OLAH: variants seen among roughly 807,000 people sequenced by gnomAD.
OLAH encodes the protein S-acyl fatty acid synthase thioesterase, medium chain.
In OLAH, 33 loss-of-function variants were observed where a neutral mutation model predicts 27.8. The ratio of observed to expected loss-of-function variants is 1.19; its 90% CI spans 0.90 to 1.59. The LOEUF is 1.59. OLAH is among the 40% of genes most tolerant of loss of function. The probability of loss-of-function intolerance (pLI) is 0.00; values close to 1 mark genes in which losing one functional copy is unlikely to be tolerated. For missense variants in OLAH, 359 were observed against 310.8 expected (o/e 1.16, Z -1.17); for synonymous variants, 120 against 102.9 (o/e 1.17, Z -1.01).
chr10:15,051,470 G>A (rs1844141522), intron 3 of OLAH, among the ~76,000 whole-genome samples: 2 of 152,226 alleles, frequency 1.3e-5, no homozygotes, highest in Non-Finnish European at 2.9e-5. Context: ...TTGCAGGTGA[G>A]TGTTCAGCTT....
At chr10:15,033,669 G>C (rs967031716) in intron 1 of OLAH, among the ~76,000 whole-genome samples, 2 of 152,126 alleles carry the variant, frequency 1.3e-5, no homozygotes, top group African/African-American at 4.8e-5. Context: ...CCTGCAGTTT[G>C]GGCATTCTCA....
rs1406074755 is a variant in OLAH at position 15,073,327 on chromosome 10, T to C, written c.*98T>C. The C allele has an allele frequency of 5.1e-6, 4 of 783,228 alleles. No individual in the cohort carries two copies. The African/African-American group carries it at 5.3e-5, about 10-fold the overall frequency. 48.5% of individuals were successfully genotyped at this position (783,228 alleles called of 1,614,324 possible). On this transcript the variant is annotated 3_prime_UTR_variant, in exon 8 of 8. Transcript: ENST00000378228. ...TTTTATTCAGATTGGAAATTACACA[T>C]TTTCTACTGTCAGGGAGATTCGTTA...
At chr10:15,046,407 C>A (rs1844018624) in intron 1 of OLAH, among the ~76,000 whole-genome samples, 1 of 152,014 alleles carries the variant, frequency 6.6e-6, no homozygotes, top group Non-Finnish European at 1.5e-5. Context: ...TTGAAGATTG[C>A]AAAATGGGAA....
In OLAH at chr10:15,065,556, A is replaced by G. The variant is rs765799591; in HGVS notation, c.403-28A>G. The stretch of plus-strand genomic sequence containing the variant: ...AGCCAAGTGTGTTATATGAAATATC[A>G]GGCCTGTGTTGTTGTTCATGTTTCA... On this transcript the variant is annotated intron_variant, in intron 5 of 7. Transcript: ENST00000378228. 38 of 1,578,926 alleles carry G rather than the reference A, an allele frequency of 2.4e-5. No homozygotes were observed. In the South Asian group the frequency reaches 4.3e-4, roughly 18 times the overall value.
intron 1 of OLAH, among the ~76,000 whole-genome samples, chr10:15,038,112 T>C (rs1375244883): frequency 6.6e-6 from 1 of 152,256 alleles, no homozygotes; most frequent in Non-Finnish European, 1.5e-5. Flanking sequence ...GACCGCCCTG[T>C]TGGATTTTGG....
At chr10:15,059,742 G>A (rs953713714) in intron 3 of OLAH, among the ~76,000 whole-genome samples, 4 of 152,188 alleles carry the variant, frequency 2.6e-5, no homozygotes, top group African/African-American at 9.6e-5. Flanking sequence ...GAAGGCAGAG[G>A]TTGTAGTGAG....
At chr10:15,056,766 G>GACTAC in intron 3 of OLAH, 1 of 1,322,456 alleles carries the variant, frequency 7.6e-7, no homozygotes, top group Non-Finnish European at 9.7e-7. Context: ...GAGTAGCTGG[G>GACTAC]ACTACAGGCA....
In OLAH at chr10:15,071,795, C is replaced by T. The variant is rs146312645; in HGVS notation, c.573C>T (p.Thr191=). 1.2e-6 allele frequency: 2 copies of T among 1,609,814 alleles called. No individual in the cohort carries two copies. ...RADLNIVRSC[T]SNVPSKAVLS... ...CTAACCAGCTCTTTTATGTTTATAG[C>T]TCTAACGTACCATCTAAGGCTGTTC... is the stretch of plus-strand genomic sequence containing the variant. The change falls in exon 7 of 8, where the codon ACC becomes ACT. Residue 191 remains threonine, a splice_region_variant and synonymous_variant. Coordinates refer to ENST00000378228, the MANE Select transcript of OLAH (RefSeq NM_001039702.3).
upstream of OLAH, among the ~76,000 whole-genome samples, chr10:15,042,070 C>T (rs1257772097): frequency 3.3e-5 from 5 of 151,978 alleles, no homozygotes; most frequent in Admixed American, 1.3e-4. Context: ...TTCAGTGCAT[C>T]GGTAATTGAG....
chr10:15,038,166 C>T (rs2131327961), intron 1 of OLAH, among the ~76,000 whole-genome samples: 1 of 152,322 alleles, frequency 6.6e-6, no homozygotes, highest in African/African-American at 2.4e-5. Flanking sequence ...CCAATTTCTC[C>T]CATTTGGAAC....
intron 4 of OLAH, among the ~76,000 whole-genome samples, chr10:15,063,812 C>CA (rs1350323668): frequency 6.6e-6 from 1 of 151,902 alleles, no homozygotes; most frequent in Non-Finnish European, 1.5e-5. Flanking sequence ...CTATATTTTC[C>CA]AAAAAAATGT....
intron 1 of OLAH, among the ~76,000 whole-genome samples, chr10:15,036,617 G>C (rs1240448125): frequency 6.6e-6 from 1 of 152,104 alleles, no homozygotes; most frequent in Non-Finnish European, 1.5e-5. Context: ...GGCCTCCTGA[G>C]TAGCTGGGAC....
At chr10:15,062,027 G>C (rs1478154631) in intron 4 of OLAH, 165 bp downstream of exon 4, 4 of 605,554 alleles carry the variant, frequency 6.6e-6, no homozygotes, top group Non-Finnish European at 1.1e-5. Context: ...AGTTTGTATG[G>C]TAAGTATACC....
At chr10:15,046,572 A>G (rs1844022467) in intron 1 of OLAH, among the ~76,000 whole-genome samples, 1 of 151,790 alleles carries the variant, frequency 6.6e-6, no homozygotes, top group Admixed American at 6.6e-5. Context: ...GGTTCAAGCG[A>G]TTCTCCTGCC....
At position 15,065,560 on chromosome 10, in the gene OLAH, C is replaced by T. The variant is rs758782360; in HGVS notation, c.403-24C>T. ...AAGTGTGTTATATGAAATATCAGGC[C>T]TGTGTTGTTGTTCATGTTTCAAGTC... On this transcript the variant is annotated intron_variant, in intron 5 of 7. Coordinates refer to ENST00000378228, the MANE Select transcript of OLAH (RefSeq NM_001039702.3). The T allele has an allele frequency of 4.4e-6, 7 of 1,593,110 alleles. No homozygotes were observed. In the African/African-American group the frequency reaches 6.8e-5, roughly 15 times the overall value.
At chr10:15,070,957 T>C (rs1041510534) in intron 6 of OLAH, among the ~76,000 whole-genome samples, 2 of 151,846 alleles carry the variant, frequency 1.3e-5, no homozygotes, top group Non-Finnish European at 2.9e-5. Flanking sequence ...GGCTAATTTT[T>C]TTATGTAGTA....
intron 1 of OLAH, among the ~76,000 whole-genome samples, chr10:15,045,112 C>T (rs553586995): frequency 4.6e-5 from 7 of 152,206 alleles, no homozygotes; most frequent in South Asian, 2.1e-4. Context: ...TTATTCTTAC[C>T]GGAGGATGCC....
In OLAH at chr10:15,071,784, T is replaced by C. The variant is rs373665245; in HGVS notation, c.573-11T>C. 6.2e-7 allele frequency: 1 copy of C among 1,602,672 alleles called. No homozygotes were observed. The highest frequency in any genetic ancestry group is 2.2e-5 in the East Asian group (1 of 44,814). ...TCAAACAATTACTAACCAGCTCTTTTATGTTTATAGCTCTAACGTACCATC... is the reference window on the plus strand; with the variant it reads ...TCAAACAATTACTAACCAGCTCTTTCATGTTTATAGCTCTAACGTACCATC... On this transcript the variant is annotated splice_polypyrimidine_tract_variant and intron_variant, in intron 6 of 7. Coordinates refer to ENST00000378228, the MANE Select transcript of OLAH (RefSeq NM_001039702.3).
chr10:15,057,481 G>T (rs918686742), intron 3 of OLAH, among the ~76,000 whole-genome samples: 8 of 149,616 alleles, frequency 5.3e-5, no homozygotes, highest in Non-Finnish European at 1.0e-4. Context: ...TGCCTCCTGG[G>T]TTCAAGCGAT....
Sources: gnomAD v4.1 joint callset for allele counts (sites outside exome capture counted in the v4.1 genomes callset) on GRCh38, gnomAD v4.1.1 for gene constraint, MANE v1.5 for transcripts, NCBI Gene and HGNC (gene_info 2026-07-23, HGNC 2026-07-21) for gene names.